UBAP2L: variants seen among roughly 807,000 people sequenced by gnomAD.
UBAP2L encodes ubiquitin-associated protein 2-like.
A neutral mutation model predicts 130.6 loss-of-function variants in UBAP2L; 12 were observed. The observed-to-expected ratio is 0.09, with a 90% CI of 0.06 to 0.15. The LOEUF is 0.15. Among genes scored for constraint, UBAP2L ranks in the 10% least tolerant of loss-of-function variants. The pLI, the probability that UBAP2L is intolerant of heterozygous loss-of-function variation, is 1.00. For synonymous variants in UBAP2L, 503 were observed against 524.7 expected (o/e 0.96, Z 0.57); for missense variants, 965 against 1,332.5 (o/e 0.72, Z 4.29).
intron 4 of UBAP2L, among the ~76,000 whole-genome samples, chr1:154,230,120 C>T (rs2148543452): frequency 6.6e-6 from 1 of 152,280 alleles, no homozygotes; most frequent in East Asian, 1.9e-4. Context: ...AATTCTCATG[C>T]CTCAGCTTCC....
At chr1:154,244,331 T>G (rs1339142378) in intron 10 of UBAP2L, among the ~76,000 whole-genome samples, 1 of 152,170 alleles carries the variant, frequency 6.6e-6, no homozygotes, top group Admixed American at 6.5e-5. Flanking sequence ...GATAACTCAC[T>G]AGAATGACTG....
chr1:154,265,089 T>C, intron 24 of UBAP2L, among the ~76,000 whole-genome samples: 1 of 152,382 alleles, frequency 6.6e-6, no homozygotes, highest in African/African-American at 2.4e-5. Context: ...TGCTTGGTTT[T>C]CTGTAGTTCC....
rs544752039 is a variant in UBAP2L at position 154,252,855 on chromosome 1, G to A, written c.1665-1045G>A. ...ATTACAGGCGTGAGCCACCACACCCGGCCCAAATCTTATATGGTTCTTGAG... is the reference window on the plus strand; with the variant it reads ...ATTACAGGCGTGAGCCACCACACCCAGCCCAAATCTTATATGGTTCTTGAG... On this transcript the variant is annotated intron_variant, in intron 14 of 26. Coordinates refer to ENST00000428931, the MANE Select transcript of UBAP2L (RefSeq NM_014847.4). 5.9e-5 allele frequency among the ~76,000 whole-genome samples: 9 copies of A among 152,170 alleles called. No individual in the cohort carries two copies. In the South Asian group the frequency reaches 1.9e-3, roughly 32 times the overall value.
chr1:154,249,530 A>T, intron 12 of UBAP2L, 93 bp downstream of exon 12: 1 of 1,485,422 alleles, frequency 6.7e-7, no homozygotes, highest in Non-Finnish European at 9.2e-7. Context: ...TGTGTCCTGA[A>T]GTGAAGAAAA....
At chr1:154,263,121 C>A in intron 24 of UBAP2L, 1 of 1,552,076 alleles carries the variant, frequency 6.4e-7, no homozygotes, top group Non-Finnish European at 8.7e-7. Flanking sequence ...TATCCACCCC[C>A]TTACAAGCAT....
upstream of UBAP2L, chr1:154,220,342 C>G: frequency 1.2e-6 from 2 of 1,614,200 alleles, no homozygotes; most frequent in Non-Finnish European, 1.7e-6. Flanking sequence ...ATCTCCTCAC[C>G]AGGCTCCCGT....
At chr1:154,268,450 C>T (rs1684002726) in intron 25 of UBAP2L, among the ~76,000 whole-genome samples, 1 of 152,116 alleles carries the variant, frequency 6.6e-6, no homozygotes, top group African/African-American at 2.4e-5. Flanking sequence ...CTTGGCCTCC[C>T]AAAGTGCTGG....
rs200459626 is a variant in UBAP2L at position 154,260,018 on chromosome 1, A to G, written c.2567A>G (p.Asn856Ser). The stretch of plus-strand genomic sequence containing the variant: ...GGGAGGGATGGTAGCCTGGCCAGCA[A>G]CCCTTATTCTGGTAGGATTGGGATG... ...LTGRDGSLAS[N>S]PYSGDLTKFG... The change falls in exon 22 of 27, where the codon AAC becomes AGC. Residue 856 changes from asparagine to serine, a missense_variant. Around this residue, in one of 9 missense-constraint regions of UBAP2L, gnomAD observed 194 missense variants for 334.0 expected, o/e 0.58. Coordinates refer to ENST00000428931, the MANE Select transcript of UBAP2L (RefSeq NM_014847.4). 4 of 1,614,062 alleles carry G rather than the reference A, an allele frequency of 2.5e-6. No individual in the cohort carries two copies. The highest frequency in any genetic ancestry group is 2.2e-5 in the East Asian group (1 of 44,888).
intron 10 of UBAP2L, among the ~76,000 whole-genome samples, chr1:154,245,913 G>A (rs1482860129): frequency 3.3e-5 from 5 of 151,692 alleles, no homozygotes; most frequent in Admixed American, 6.6e-5. Context: ...AGACTTTCTC[G>A]AAACAAACAA....
rs1275236517 is a variant in UBAP2L, at chr1:154,255,754, T to C, written c.2156T>C (p.Leu719Ser). 1 of 1,613,958 alleles carries C rather than the reference T, an allele frequency of 6.2e-7. No homozygotes were observed. The highest frequency in any genetic ancestry group is 8.5e-7 in the Non-Finnish European group (1 of 1,179,962). Residue 719 changes from leucine to serine, a missense_variant and splice_region_variant, in exon 18 of 27, where the codon TTG becomes TCG. Leu to Ser is a moderately radical substitution (Grantham distance 145, BLOSUM62 -2). This residue lies in a region of UBAP2L where 393 missense variants were observed against 408.1 expected (regional missense o/e 0.96). Coordinates refer to ENST00000428931, the MANE Select transcript of UBAP2L (RefSeq NM_014847.4). ...GGGCGCACTTCGACATCCACTCTTT[T>C]GGTAAGTGTGATGCTGAGAGGGATG... is the stretch of plus-strand genomic sequence containing the variant. ...SSGRTSTSTLLHTSVESEANL... is the reference protein window; with the variant it reads ...SSGRTSTSTLSHTSVESEANL...
intron 12 of UBAP2L, among the ~76,000 whole-genome samples, chr1:154,250,744 C>T (rs1232450919): frequency 1.3e-5 from 2 of 151,038 alleles, no homozygotes; most frequent in Non-Finnish European, 2.9e-5. Flanking sequence ...GTCCCAGCTA[C>T]TCTGAGGCAA....
At chr1:154,243,944 A>G (rs753470379) in intron 10 of UBAP2L, among the ~76,000 whole-genome samples, 18 of 152,162 alleles carry the variant, frequency 1.2e-4, no homozygotes, top group Non-Finnish European at 2.6e-4. Flanking sequence ...CAAAAGTGGA[A>G]ATGTTTTCAT....
At position 154,261,582 on chromosome 1, in the gene UBAP2L, TG is replaced by T; in HGVS notation, c.2797-9del. On this transcript the variant is annotated splice_polypyrimidine_tract_variant and intron_variant, in intron 23 of 26. Transcript: ENST00000428931. The stretch of plus-strand genomic sequence containing the variant: ...CAAGTCACTGCAAATCTGGCCTTTT[TG>T]CTCTTTAGGTGGCTCCTACCTCTTC... 6.2e-7 allele frequency: 1 copy of T among 1,614,108 alleles called. No individual in the cohort carries two copies. The highest frequency in any genetic ancestry group is 8.5e-7 in the Non-Finnish European group (1 of 1,179,974).
At chr1:154,259,705 G>A (rs544897754) in intron 21 of UBAP2L, 2 of 634,370 alleles carry the variant, frequency 3.2e-6, no homozygotes, top group African/African-American at 3.6e-5. Flanking sequence ...TGGTCCTCGT[G>A]GACTTTGATG....
At chr1:154,240,467 A>T (rs1673153417) in intron 8 of UBAP2L, among the ~76,000 whole-genome samples, 2 of 152,204 alleles carry the variant, frequency 1.3e-5, no homozygotes, top group Admixed American at 1.3e-4. Context: ...CTGTGCCATG[A>T]CCATAGCAGG....
chr1:154,250,883 T>C (rs530461477), intron 12 of UBAP2L, among the ~76,000 whole-genome samples, 158 bp from the exon 13 acceptor site: 151 of 151,326 alleles, frequency 1.0e-3, no homozygotes, highest in Non-Finnish European at 1.8e-3. Context: ...AATCCAGTGA[T>C]TGTCACCTAT....
chr1:154,256,500 ATGG>A (rs974096951), intron 18 of UBAP2L, among the ~76,000 whole-genome samples: 2 of 152,112 alleles, frequency 1.3e-5, no homozygotes, highest in African/African-American at 4.8e-5. Context: ...TTGGCCAAGC[ATGG>A]TGGTACATTC....
chr1:154,228,929 C>T (rs1445017105), intron 4 of UBAP2L, among the ~76,000 whole-genome samples: 1 of 152,102 alleles, frequency 6.6e-6, no homozygotes, highest in East Asian at 1.9e-4. Context: ...GGATAATGCT[C>T]ATAGGAGAAA....
intron 1 of UBAP2L, among the ~76,000 whole-genome samples, chr1:154,223,548 C>T (rs550436771): frequency 4.0e-5 from 6 of 150,444 alleles, no homozygotes; most frequent in Admixed American, 1.3e-4. Context: ...AAAGTTGAAA[C>T]GACTATAATG....
Sources: gnomAD v4.1 joint callset for allele counts (sites outside exome capture counted in the v4.1 genomes callset) on GRCh38, gnomAD v4.1.1 for gene constraint, gnomAD v4.1.1 regional missense constraint, MANE v1.5 for transcripts, NCBI Gene and HGNC (gene_info 2026-07-23, HGNC 2026-07-21) for gene names.